CNTN5: variants seen among roughly 807,000 people sequenced by gnomAD.
CNTN5 encodes contactin-5.
Under a neutral mutation model 129.1 loss-of-function variants are expected in CNTN5, and 77 were observed. The ratio of observed to expected loss-of-function variants is 0.60; its 90% CI spans 0.50 to 0.72. CNTN5 has a LOEUF of 0.72. Among genes scored for constraint, CNTN5 ranks in the 30% least tolerant of loss-of-function variants. The probability of loss-of-function intolerance (pLI) is 0.00; values close to 1 mark genes in which losing one functional copy is unlikely to be tolerated. For synonymous variants in CNTN5, 509 were observed against 465.6 expected (o/e 1.09, Z -1.20); for missense variants, 1,478 against 1,328.8 (o/e 1.11, Z -1.75).
At chr11:100,233,585 C>T (rs1170376867) in intron 16 of CNTN5, among the ~76,000 whole-genome samples, 1 of 152,176 alleles carries the variant, frequency 6.6e-6, no homozygotes, top group Non-Finnish European at 1.5e-5. Flanking sequence ...CTATGTTACA[C>T]CTTGGCCTAA....
chr11:99,041,204 C>T (rs1276387246), intron 1 of CNTN5, among the ~76,000 whole-genome samples: 1 of 152,086 alleles, frequency 6.6e-6, no homozygotes, highest in African/African-American at 2.4e-5. Context: ...TTGCCTGTAA[C>T]ATTTATTTGT....
At chr11:99,546,861 C>A (rs1335695793) in intron 2 of CNTN5, among the ~76,000 whole-genome samples, 1 of 152,042 alleles carries the variant, frequency 6.6e-6, no homozygotes, top group African/African-American at 2.4e-5. Context: ...GATCTTTGCA[C>A]TGACTCTTAA....
chr11:99,564,169 A>G lies in CNTN5; in HGVS notation c.55+7900A>G, dbSNP rs76899690. On this transcript the variant is annotated intron_variant, in intron 3 of 24. Transcript: ENST00000524871. ...TCATCATAGCTCACTGAAACATTGA[A>G]TCCCTGAGATCAAGTGATCTTCTCA... 4.2e-3 allele frequency among the ~76,000 whole-genome samples: 641 copies of G among 152,268 alleles called. 27 individuals are homozygous for G. The East Asian group carries it at 0.097, about 23-fold the overall frequency.
chr11:99,036,858 G>A lies in CNTN5; in HGVS notation c.-210+15588G>A, dbSNP rs147694968. Among the ~76,000 whole-genome samples the A allele has an allele frequency of 3.9e-4, 59 of 152,144 alleles. 1 individual carries two copies. Among genetic ancestry groups the A allele is most frequent in the African/African-American group, 1.3e-3 (56 of 41,516 alleles). ...ATAACACATTTTTTATTTGACCTAT[G>A]GTTCCTACCCATTCGCCAGTGATGT... On this transcript the variant is annotated intron_variant, in intron 1 of 24. Transcript: ENST00000524871.
chr11:99,464,724 G>A (rs1171349816), intron 2 of CNTN5, among the ~76,000 whole-genome samples: 1 of 152,062 alleles, frequency 6.6e-6, no homozygotes, highest in African/African-American at 2.4e-5. Flanking sequence ...ATTAATTTGA[G>A]GTTGTTGGAT....
intron 3 of CNTN5, among the ~76,000 whole-genome samples, chr11:99,755,618 C>T (rs1565494326): frequency 6.6e-6 from 1 of 151,458 alleles, no homozygotes; most frequent in Admixed American, 6.6e-5. Context: ...ATGACAGTTC[C>T]TTTGTAAGAT....
At chr11:99,247,838 C>A (rs1472714255) in intron 1 of CNTN5, among the ~76,000 whole-genome samples, 1 of 152,142 alleles carries the variant, frequency 6.6e-6, no homozygotes, top group East Asian at 1.9e-4. Flanking sequence ...ATATGTGCCA[C>A]ATTTTCTTAA....
At chr11:99,288,272 A>G (rs1864026080) in intron 1 of CNTN5, among the ~76,000 whole-genome samples, 1 of 151,902 alleles carries the variant, frequency 6.6e-6, no homozygotes, top group Non-Finnish European at 1.5e-5. Flanking sequence ...GAGTTAGCCA[A>G]TTAGGACACT....
chr11:100,029,909 A>G (rs1035532125), intron 9 of CNTN5, among the ~76,000 whole-genome samples: 1 of 152,198 alleles, frequency 6.6e-6, no homozygotes, highest in Non-Finnish European at 1.5e-5. Context: ...TCTGTCATCT[A>G]TTTAAAAATG....
intron 1 of CNTN5, among the ~76,000 whole-genome samples, chr11:99,145,561 C>T (rs893038001): frequency 1.4e-4 from 21 of 152,078 alleles, no homozygotes; most frequent in Admixed American, 1.4e-3. Flanking sequence ...TCAATATCCT[C>T]CAGTCAATTC....
chr11:99,189,265 A>G (rs1398917707), intron 1 of CNTN5, among the ~76,000 whole-genome samples: 1 of 151,658 alleles, frequency 6.6e-6, no homozygotes. Context: ...ATATATATTT[A>G]TACTACATTT....
intron 20 of CNTN5, among the ~76,000 whole-genome samples, chr11:100,305,529 A>G (rs932689567): frequency 6.6e-5 from 10 of 151,652 alleles, no homozygotes; most frequent in Non-Finnish European, 1.2e-4. Context: ...GACAAACAAA[A>G]TATGACTAAA....
At chr11:99,044,648 G>A (rs934310624) in intron 1 of CNTN5, among the ~76,000 whole-genome samples, 2 of 152,114 alleles carry the variant, frequency 1.3e-5, no homozygotes, top group African/African-American at 2.4e-5. Flanking sequence ...TTCTACATAT[G>A]TTCTAGAGCA....
intron 13 of CNTN5, among the ~76,000 whole-genome samples, chr11:100,161,589 A>G (rs1947447653): frequency 6.6e-6 from 1 of 151,890 alleles, no homozygotes; most frequent in Non-Finnish European, 1.5e-5. Flanking sequence ...GACTTCACAT[A>G]GACAGTAGGA....
chr11:100,238,281 T>G (rs1257857804), intron 16 of CNTN5, among the ~76,000 whole-genome samples: 1 of 151,974 alleles, frequency 6.6e-6, no homozygotes, highest in Non-Finnish European at 1.5e-5. Flanking sequence ...CCTGATAATC[T>G]GTTTACCCAA....
chr11:99,345,320 G>A (rs189504760), intron 2 of CNTN5, among the ~76,000 whole-genome samples: 330 of 152,138 alleles, frequency 2.2e-3, no homozygotes, highest in Non-Finnish European at 2.6e-3. Flanking sequence ...TTTTAGTGAC[G>A]TAAACTGAAT....
intron 2 of CNTN5, among the ~76,000 whole-genome samples, chr11:99,513,190 A>G (rs892920107): frequency 6.6e-6 from 1 of 152,182 alleles, no homozygotes; most frequent in African/African-American, 2.4e-5. Context: ...AAAGCCTAAT[A>G]CAGAGAAAAG....
chr11:99,692,073 T>A (rs1038349689), intron 3 of CNTN5, among the ~76,000 whole-genome samples: 2 of 152,210 alleles, frequency 1.3e-5, no homozygotes, highest in African/African-American at 4.8e-5. Flanking sequence ...CCCTGCTTTT[T>A]TAGGTTTTCC....
intron 1 of CNTN5, among the ~76,000 whole-genome samples, chr11:99,251,693 G>T (rs960279550): frequency 6.6e-6 from 1 of 151,884 alleles, no homozygotes; most frequent in Non-Finnish European, 1.5e-5. Context: ...TTATGTGGAC[G>T]TACAAATATG....
Sources: allele counts gnomAD v4.1 joint callset (sites outside exome capture counted in the v4.1 genomes callset), GRCh38; gene constraint gnomAD v4.1.1; transcripts MANE v1.5; gene names NCBI Gene and HGNC (gene_info 2026-07-23, HGNC 2026-07-21).